MCU: variants seen among roughly 807,000 people sequenced by gnomAD.
The protein encoded by MCU is calcium uniporter protein, mitochondrial.
MCU carries 12 observed loss-of-function variants against 45.2 expected under a neutral mutation model. The observed-to-expected ratio is 0.27, with a 90% CI of 0.17 to 0.43. The LOEUF is 0.43. Ranked by LOEUF, MCU falls within the 20% of genes least tolerant of loss-of-function variation. The pLI, the probability that MCU is intolerant of heterozygous loss-of-function variation, is 1.00. For synonymous variants in MCU, 160 were observed against 165.1 expected, an observed-to-expected ratio of 0.97 and a Z score of 0.24; for missense variants, 324 against 436.7, an observed-to-expected ratio of 0.74 and a Z score of 2.30.
chr10:72,762,416 A>G lies in MCU; in HGVS notation c.150+70115A>G, dbSNP rs554107760. 7.2e-5 allele frequency among the ~76,000 whole-genome samples: 11 copies of G among 152,238 alleles called. 1 individual carries two copies. The South Asian group carries it at 2.3e-3, about 32-fold the overall frequency. ...TAAAAAATAGATGGTATTTGATATA[A>G]TAGAGGAACAGGGATTTTTTTTTTT... On this transcript the variant is annotated intron_variant, in intron 1 of 7. Coordinates refer to ENST00000373053, the MANE Select transcript of MCU (RefSeq NM_138357.3).
chr10:72,831,578 A>G (rs1844879651), intron 1 of MCU, among the ~76,000 whole-genome samples: 1 of 152,192 alleles, frequency 6.6e-6, no homozygotes, highest in Non-Finnish European at 1.5e-5. Flanking sequence ...TCAGTGACCA[A>G]AACAGATGAA....
At chr10:72,882,033 T>G (rs889873017) in intron 6 of MCU, among the ~76,000 whole-genome samples, 1 of 152,208 alleles carries the variant, frequency 6.6e-6, no homozygotes, top group Admixed American at 6.5e-5. Context: ...TCATGGACAT[T>G]TATTAGTTCC....
intron 2 of MCU, among the ~76,000 whole-genome samples, chr10:72,840,975 AACT>A (rs1286655497): frequency 6.6e-6 from 1 of 152,196 alleles, no homozygotes; most frequent in Non-Finnish European, 1.5e-5. Flanking sequence ...GCTGACAGTG[AACT>A]ACTTCGCTTG....
At chr10:72,750,125 A>T (rs1341634402) in intron 1 of MCU, among the ~76,000 whole-genome samples, 1 of 152,032 alleles carries the variant, frequency 6.6e-6, no homozygotes, top group African/African-American at 2.4e-5. Flanking sequence ...AGGCTGTAGG[A>T]AGTGAAGTCA....
chr10:72,876,482 A>G (rs938733105), intron 6 of MCU, among the ~76,000 whole-genome samples: 12 of 152,190 alleles, frequency 7.9e-5, no homozygotes, highest in African/African-American at 2.9e-4. Flanking sequence ...TATCCTATCT[A>G]TATCTAGGCT....
At chr10:72,862,270 C>T (rs982912083) in intron 4 of MCU, among the ~76,000 whole-genome samples, 1 of 152,078 alleles carries the variant, frequency 6.6e-6, no homozygotes, top group Non-Finnish European at 1.5e-5. Context: ...CGTGAGCCAC[C>T]GCACCCGGCC....
Position 72,815,248 on chromosome 10 carries a change from T to C in MCU, c.151-19111T>C, listed in dbSNP as rs192350149. 4.2e-4 allele frequency among the ~76,000 whole-genome samples: 64 copies of C among 152,342 alleles called. No individual in the cohort carries two copies. The East Asian group carries it at 8.1e-3, about 19-fold the overall frequency. ...ATATGGCTGTGTTGTAGTAAAACTT[T>C]TATTTACAAAAACAGATAGTGGACT... On this transcript the variant is annotated intron_variant, in intron 1 of 7. Transcript: ENST00000373053.
At chr10:72,710,844 T>C (rs1842883532) in intron 1 of MCU, among the ~76,000 whole-genome samples, 1 of 152,080 alleles carries the variant, frequency 6.6e-6, no homozygotes, top group Non-Finnish European at 1.5e-5. Flanking sequence ...TACACCTATC[T>C]TATATAGTTT....
intron 1 of MCU, among the ~76,000 whole-genome samples, chr10:72,699,853 A>G (rs377276298): frequency 2.9e-4 from 44 of 151,976 alleles, no homozygotes; most frequent in African/African-American, 9.7e-4. Context: ...TGGCCTCCCA[A>G]AGTACTGGGG....
chr10:72,705,980 CT>C (rs1329201651), intron 1 of MCU, among the ~76,000 whole-genome samples: 1 of 151,382 alleles, frequency 6.6e-6, no homozygotes, highest in Non-Finnish European at 1.5e-5. Flanking sequence ...AAGACTCTCT[CT>C]CAAAAAAAAA....
chr10:72,753,348 G>A (rs1425991990), intron 1 of MCU, among the ~76,000 whole-genome samples: 1 of 152,020 alleles, frequency 6.6e-6, no homozygotes, highest in African/African-American at 2.4e-5. Context: ...TAGTTACCAA[G>A]AACCCTTTAT....
chr10:72,784,542 G>A (rs1272326581), intron 1 of MCU, among the ~76,000 whole-genome samples: 1 of 152,220 alleles, frequency 6.6e-6, no homozygotes, highest in African/African-American at 2.4e-5. Flanking sequence ...AGGACAGAAA[G>A]TTCCACAAAG....
intron 1 of MCU, among the ~76,000 whole-genome samples, chr10:72,790,958 G>A (rs1468281366): frequency 6.6e-6 from 1 of 152,190 alleles, no homozygotes; most frequent in African/African-American, 2.4e-5. Flanking sequence ...TTAAAATCTT[G>A]AAAGCCTTGC....
chr10:72,693,850 T>C (rs1382867753), intron 1 of MCU, among the ~76,000 whole-genome samples: 1 of 152,240 alleles, frequency 6.6e-6, no homozygotes, highest in Non-Finnish European at 1.5e-5. Flanking sequence ...GTCGAACTAC[T>C]TAAAGGCTTC....
chr10:72,872,252 TA>T (rs2132886909), intron 6 of MCU, among the ~76,000 whole-genome samples: 1 of 152,304 alleles, frequency 6.6e-6, no homozygotes, highest in South Asian at 2.1e-4. Context: ...AAACATGTAT[TA>T]TTTTTTTTTT....
rs1845781146 is a variant in MCU, at chr10:72,886,750, CTT to C, written c.*930_*931del. 6.6e-6 allele frequency: 1 copy of C among 152,320 alleles called. No homozygotes were observed. The highest frequency in any genetic ancestry group is 2.1e-4 in the South Asian group (1 of 4,828). The allele number at this position is 152,320 out of a possible 1,614,324, so 9.4% of individuals were successfully genotyped here. On this transcript the variant is annotated 3_prime_UTR_variant, in exon 8 of 8. Coordinates refer to ENST00000373053, the MANE Select transcript of MCU (RefSeq NM_138357.3). ...CCAGAATAATTTTATTGCTAATCTG[CTT>C]TGTGTGACAGCATTCCAGGCCAGCC...
intron 1 of MCU, among the ~76,000 whole-genome samples, chr10:72,823,829 T>C (rs1460974684): frequency 2.6e-5 from 4 of 151,712 alleles, no homozygotes; most frequent in Non-Finnish European, 5.9e-5. Context: ...GGAGGCCGAG[T>C]TGGGAGGATT....
At chr10:72,859,626 TCA>T (rs1464986598) in intron 3 of MCU, among the ~76,000 whole-genome samples, 6 of 152,168 alleles carry the variant, frequency 3.9e-5, no homozygotes, top group African/African-American at 1.2e-4. Context: ...GAACAATCAA[TCA>T]CATTTTATAT....
At chr10:72,770,597 T>C (rs1398961238) in intron 1 of MCU, among the ~76,000 whole-genome samples, 2 of 152,110 alleles carry the variant, frequency 1.3e-5, no homozygotes, top group African/African-American at 4.8e-5. Context: ...AAGAGAAATA[T>C]GGAGAGCAAG....
Sources: gnomAD v4.1 joint callset for allele counts (sites outside exome capture counted in the v4.1 genomes callset) on GRCh38, gnomAD v4.1.1 for gene constraint, MANE v1.5 for transcripts, NCBI Gene and HGNC (gene_info 2026-07-23, HGNC 2026-07-21) for gene names.